SPICE1: variants seen among roughly 807,000 people sequenced by gnomAD.
SPICE1 encodes spindle and centriole-associated protein 1.
Under a neutral mutation model 102.7 loss-of-function variants are expected in SPICE1, and 75 were observed. The ratio of observed to expected loss-of-function variants is 0.73; its 90% CI spans 0.61 to 0.88. The LOEUF (loss-of-function observed/expected upper bound fraction) is 0.88. SPICE1 is among the 40% of genes least tolerant of loss of function. SPICE1 has a pLI of 0.00. For missense variants in SPICE1, 979 were observed against 1,020.1 expected (o/e 0.96, Z 0.55); for synonymous variants, 308 against 350.3 (o/e 0.88, Z 1.35).
At chr3:113,510,249 T>G (rs892040323) in intron 1 of SPICE1, among the ~76,000 whole-genome samples, 1 of 152,160 alleles carries the variant, frequency 6.6e-6, no homozygotes, top group African/African-American at 2.4e-5. Flanking sequence ...CATTAACATC[T>G]TCACAGAATT....
intron 3 of SPICE1, among the ~76,000 whole-genome samples, chr3:113,502,905 CAGAT>C (rs948669236): frequency 6.6e-6 from 1 of 151,742 alleles, no homozygotes; most frequent in African/African-American, 2.4e-5. Context: ...TTTAAAAAGG[CAGAT>C]AGATAGATAT....
rs1331443977 is a variant in SPICE1 at position 113,444,159 on chromosome 3, A to C, written c.*1148T>G. On this transcript the variant is annotated 3_prime_UTR_variant, in exon 18 of 18. Transcript: ENST00000295872. ...GGGAGCAGAGATCATTCAAAAAACAAGTTTAAAATAGAAATAAACATCTCA... is the reference window on the plus strand; with the variant it reads ...GGGAGCAGAGATCATTCAAAAAACACGTTTAAAATAGAAATAAACATCTCA... The C allele has an allele frequency of 6.6e-6, 1 of 152,006 alleles. No individual in the cohort carries two copies. The highest frequency in any genetic ancestry group is 1.5e-5 in the Non-Finnish European group (1 of 67,996). 9.4% of individuals were successfully genotyped at this position (152,006 alleles called of 1,614,324 possible).
chr3:113,448,747 T>C (rs1160294067), intron 15 of SPICE1: 1 of 152,202 alleles, frequency 6.6e-6, no homozygotes, highest in Admixed American at 6.5e-5. Flanking sequence ...CCTGACTTTG[T>C]GTGACTTCCT....
At chr3:113,460,979 C>A (rs1935920305) in intron 11 of SPICE1, among the ~76,000 whole-genome samples, 1 of 151,840 alleles carries the variant, frequency 6.6e-6, no homozygotes, top group South Asian at 2.1e-4. Context: ...CTAATAGTTC[C>A]ATGATAGGGA....
intron 1 of SPICE1, among the ~76,000 whole-genome samples, chr3:113,507,808 C>G (rs915483324): frequency 2.0e-5 from 3 of 152,140 alleles, no homozygotes; most frequent in Admixed American, 6.6e-5. Flanking sequence ...TTTCTTGAAT[C>G]CTCACAATAA....
At chr3:113,467,044 C>T (rs1224178525) in intron 10 of SPICE1, among the ~76,000 whole-genome samples, 1 of 151,764 alleles carries the variant, frequency 6.6e-6, no homozygotes, top group Non-Finnish European at 1.5e-5. Context: ...AGAATGAGAC[C>T]CTGTCTCAAA....
chr3:113,465,850 T>C, intron 10 of SPICE1, 66 bp from the exon 11 acceptor site: 1 of 1,509,600 alleles, frequency 6.6e-7, no homozygotes, highest in Non-Finnish European at 9.0e-7. Flanking sequence ...AAGTTTGCAC[T>C]CAAAGCTGGC....
intron 7 of SPICE1, among the ~76,000 whole-genome samples, chr3:113,477,999 C>T (rs56204634): frequency 0.037 from 5,556 of 150,920 alleles, 184 homozygotes; most frequent in African/African-American, 0.091. Flanking sequence ...ATTTAACTGA[C>T]ATACCTGACA....
intron 16 of SPICE1, among the ~76,000 whole-genome samples, chr3:113,447,202 T>C (rs914709299): frequency 5.3e-5 from 8 of 152,162 alleles, no homozygotes; most frequent in African/African-American, 1.7e-4. Flanking sequence ...ATCAGCAACA[T>C]GAAAATGGAC....
intron 7 of SPICE1, among the ~76,000 whole-genome samples, chr3:113,477,342 T>C (rs1336432699): frequency 6.6e-6 from 1 of 152,090 alleles, no homozygotes; most frequent in Non-Finnish European, 1.5e-5. Flanking sequence ...TTGGTGGGAC[T>C]GTAAACTAGT....
At chr3:113,485,699 G>A (rs1036951523) in intron 7 of SPICE1, among the ~76,000 whole-genome samples, 2 of 152,056 alleles carry the variant, frequency 1.3e-5, no homozygotes, top group Non-Finnish European at 1.5e-5. Flanking sequence ...AGAAAGCAGC[G>A]GACCTTTTAA....
intron 1 of SPICE1, among the ~76,000 whole-genome samples, chr3:113,508,664 G>A (rs1368651471): frequency 6.6e-6 from 1 of 152,188 alleles, no homozygotes; most frequent in Non-Finnish European, 1.5e-5. Flanking sequence ...CTCATGGAAT[G>A]TAAAATAGTG....
intron 7 of SPICE1, among the ~76,000 whole-genome samples, chr3:113,485,172 G>GTTTTTTTT (rs1346426484): frequency 6.8e-6 from 1 of 147,246 alleles, no homozygotes; most frequent in Non-Finnish European, 1.5e-5. Flanking sequence ...CAGGAGTTTT[G>GTTTTTTTT]TTTGTTTTTT....
At chr3:113,495,018 T>C (rs1315922526) in intron 4 of SPICE1, among the ~76,000 whole-genome samples, 1 of 152,250 alleles carries the variant, frequency 6.6e-6, no homozygotes, top group African/African-American at 2.4e-5. Context: ...ATATGAGTTT[T>C]AGCATTAAAC....
rs888251696 is a variant in SPICE1 at position 113,493,139 on chromosome 3, A to G, written c.492+67T>C. ...TATTTAAACTTTTAAAATATTTACC[A>G]CAAGGCCTATATCAACTTAAACTTC... On this transcript the variant is annotated intron_variant, in intron 6 of 17. Transcript: ENST00000295872. 11 of 1,145,786 alleles carry G rather than the reference A, an allele frequency of 9.6e-6. No homozygotes were observed. The African/African-American group carries it at 1.8e-4, about 18-fold the overall frequency. 71.0% of individuals were successfully genotyped at this position (1,145,786 alleles called of 1,614,324 possible). A position where few individuals can be genotyped will look rare whatever the true frequency, so the allele number is the denominator to read the frequency against.
intron 7 of SPICE1, 44 bp downstream of exon 7, chr3:113,488,901 G>GA (rs776127729): frequency 1.4e-5 from 17 of 1,194,582 alleles, no homozygotes; most frequent in Admixed American, 3.8e-5. Flanking sequence ...AATGGCCATG[G>GA]AAAAAACCTG....
chr3:113,503,026 GA>G (rs1420910741), intron 3 of SPICE1, among the ~76,000 whole-genome samples, 153 bp downstream of exon 3: 5 of 152,110 alleles, frequency 3.3e-5, no homozygotes, highest in African/African-American at 1.2e-4. Flanking sequence ...AGGAAGTCCA[GA>G]AGATAGGCGT....
At chr3:113,468,679 G>A in intron 9 of SPICE1, 83 bp downstream of exon 9, 2 of 1,451,656 alleles carry the variant, frequency 1.4e-6, no homozygotes, top group Non-Finnish European at 1.9e-6. Flanking sequence ...GAGATTAAGG[G>A]AGAAAAACAT....
chr3:113,496,096 A>G (rs1349061148), intron 4 of SPICE1, among the ~76,000 whole-genome samples: 1 of 98,602 alleles, frequency 1.0e-5, no homozygotes, highest in African/African-American at 3.9e-5. Context: ...CTCATCAGCT[A>G]TCATTAATGT....
Sources: allele counts gnomAD v4.1 joint callset (sites outside exome capture counted in the v4.1 genomes callset), GRCh38; gene constraint gnomAD v4.1.1; transcripts MANE v1.5; gene names NCBI Gene and HGNC (gene_info 2026-07-23, HGNC 2026-07-21).